The following LRP1B variants were observed in gnomAD, a reference collection of about 807,000 sequenced individuals.
The protein encoded by LRP1B is low-density lipoprotein receptor-related protein 1B.
LRP1B carries 217 observed loss-of-function variants against 556.6 expected under a neutral mutation model. The observed-to-expected ratio is 0.39, with a 90% confidence interval of 0.35 to 0.44. LRP1B has a LOEUF of 0.44. Ranked by LOEUF, LRP1B falls within the 20% of genes least tolerant of loss-of-function variation. LRP1B has a pLI of 1.00. For synonymous variants in LRP1B, 2,047 were observed against 1,865.8 expected, an observed-to-expected ratio of 1.10 and a Z score of -2.50; for missense variants, 5,053 against 5,620.8, an observed-to-expected ratio of 0.90 and a Z score of 3.23.
rs1196978919 is a variant in LRP1B, at chr2:140,779,783, T to C, written c.5360-3545A>G. Among the ~76,000 whole-genome samples, 3 of 149,620 alleles carry C rather than the reference T, an allele frequency of 2.0e-5. No individual in the cohort carries two copies. In the East Asian group the frequency reaches 5.9e-4, roughly 29 times the overall value. ...GTGTGTGTGTGTGTGTGTGTGTGTG[T>C]GTAGCAGTGCAGAGGGGAGATATAT... On this transcript the variant is annotated intron_variant, in intron 32 of 90. Coordinates refer to ENST00000389484, the MANE Select transcript of LRP1B (RefSeq NM_018557.3).
chr2:140,768,883 G>A (rs1383406184), intron 35 of LRP1B, among the ~76,000 whole-genome samples: 1 of 151,698 alleles, frequency 6.6e-6, no homozygotes. Context: ...AGATCAAAAT[G>A]CTTTGTATGT....
In LRP1B at chr2:140,613,770, C is replaced by T. The variant is rs2105232147; in HGVS notation, c.6800-12131G>A. Among the ~76,000 whole-genome samples the T allele has an allele frequency of 2.0e-5, 3 of 152,110 alleles. No homozygotes were observed. In the South Asian group the frequency reaches 6.2e-4, roughly 32 times the overall value. On this transcript the variant is annotated intron_variant, in intron 41 of 90. Coordinates refer to ENST00000389484, the MANE Select transcript of LRP1B (RefSeq NM_018557.3). ...CTAGTCCCCTTTAATGTGCCTGCCC[C>T]AGAAAAGTCAAGAATGATAAAGTAA...
intron 1 of LRP1B, among the ~76,000 whole-genome samples, chr2:141,935,065 AT>A (rs67962562): frequency 8.0e-6 from 1 of 124,264 alleles, no homozygotes; most frequent in Non-Finnish European, 1.8e-5. Context: ...TCTATAAAAA[AT>A]GACAGTAAGA....
chr2:141,339,848 G>A (rs1687990438), intron 3 of LRP1B, among the ~76,000 whole-genome samples: 1 of 151,994 alleles, frequency 6.6e-6, no homozygotes, highest in South Asian at 2.1e-4. Context: ...ATTGTGTGGT[G>A]GTAAAGGCTG....
intron 2 of LRP1B, among the ~76,000 whole-genome samples, chr2:141,557,959 T>C (rs1035573418): frequency 3.3e-5 from 5 of 151,846 alleles, no homozygotes; most frequent in Admixed American, 6.6e-5. Context: ...TTGGCCAGAA[T>C]ACACTTGCTC....
chr2:140,702,126 G>A lies in LRP1B; in HGVS notation c.6302+15C>T, dbSNP rs1051165827. The A allele has an allele frequency of 5.0e-6, 8 of 1,610,432 alleles. No homozygotes were observed. Among genetic ancestry groups the A allele is most frequent in the Non-Finnish European group, 6.8e-6 (8 of 1,178,360 alleles). On this transcript the variant is annotated intron_variant, in intron 39 of 90. Transcript: ENST00000389484. ...AACATTTTGAGACTCAAATACTTATGAAAAAATAAATTACCTGTCAGACCA... is the reference window on the plus strand; with the variant it reads ...AACATTTTGAGACTCAAATACTTATAAAAAAATAAATTACCTGTCAGACCA...
chr2:140,394,074 A>C (rs1368627246), intron 66 of LRP1B, among the ~76,000 whole-genome samples: 1 of 152,008 alleles, frequency 6.6e-6, no homozygotes, highest in African/African-American at 2.4e-5. Flanking sequence ...ATGTGAGGAG[A>C]ACATATTCTC....
chr2:141,319,255 A>G (rs1687141377), intron 3 of LRP1B, among the ~76,000 whole-genome samples: 1 of 149,880 alleles, frequency 6.7e-6, no homozygotes, highest in Admixed American at 6.6e-5. Flanking sequence ...TTTGACCATT[A>G]ATATTGCTAT....
chr2:141,584,091 C>G (rs1376206005), intron 2 of LRP1B, among the ~76,000 whole-genome samples: 1 of 151,688 alleles, frequency 6.6e-6, no homozygotes, highest in Admixed American at 6.6e-5. Context: ...AATTTCCCCC[C>G]AACGTTAGCC....
chr2:140,996,031 A>T (rs1159921927), intron 15 of LRP1B, among the ~76,000 whole-genome samples: 1 of 152,030 alleles, frequency 6.6e-6, no homozygotes, highest in Non-Finnish European at 1.5e-5. Context: ...CTGCTGTGGC[A>T]TGAGGGATAA....
chr2:140,455,289 A>T (rs1222820480), intron 62 of LRP1B, among the ~76,000 whole-genome samples: 1 of 152,178 alleles, frequency 6.6e-6, no homozygotes, highest in African/African-American at 2.4e-5. Context: ...TGTGCTTTCA[A>T]AGAGCGGTCA....
chr2:140,355,333 G>C (rs1682160485), intron 75 of LRP1B, among the ~76,000 whole-genome samples: 1 of 151,742 alleles, frequency 6.6e-6, no homozygotes, highest in Non-Finnish European at 1.5e-5. Flanking sequence ...AAATACCATA[G>C]TTTGAAAGAT....
At chr2:141,587,727 A>G (rs977374033) in intron 2 of LRP1B, among the ~76,000 whole-genome samples, 7 of 152,222 alleles carry the variant, frequency 4.6e-5, no homozygotes, top group Admixed American at 2.0e-4. Flanking sequence ...TTAATGGTAC[A>G]TAATTACTTC....
intron 37 of LRP1B, among the ~76,000 whole-genome samples, chr2:140,705,521 C>CAAAAAAAAAAAAAAAAA (rs565447198): frequency 2.9e-5 from 2 of 68,228 alleles, no homozygotes; most frequent in Non-Finnish European, 2.5e-5. Context: ...GAGACTGTCT[C>CAAAAAAAAAAAAAAAAA]AAAAAAAAAA....
intron 18 of LRP1B, among the ~76,000 whole-genome samples, chr2:140,955,425 A>T (rs191130791): frequency 1.7e-3 from 262 of 151,994 alleles, no homozygotes; most frequent in African/African-American, 6.1e-3. Context: ...TTGCATAAAA[A>T]TTCTTTGACT....
intron 6 of LRP1B, among the ~76,000 whole-genome samples, chr2:141,211,349 C>T (rs369243121): frequency 4.0e-5 from 6 of 150,204 alleles, no homozygotes; most frequent in Non-Finnish European, 8.9e-5. Context: ...GGGCCGGGCA[C>T]GGTGCCTCAT....
chr2:141,052,635 G>C (rs1360531806), intron 10 of LRP1B, among the ~76,000 whole-genome samples: 1 of 151,978 alleles, frequency 6.6e-6, no homozygotes, highest in East Asian at 1.9e-4. Flanking sequence ...TACGAACTGT[G>C]ACATCGATTT....
At chr2:140,647,302 C>A (rs1684519036) in intron 41 of LRP1B, among the ~76,000 whole-genome samples, 1 of 152,134 alleles carries the variant, frequency 6.6e-6, no homozygotes, top group African/African-American at 2.4e-5. Context: ...GTCTTTCCAA[C>A]CCTTTATGCT....
intron 11 of LRP1B, among the ~76,000 whole-genome samples, chr2:141,022,958 C>T (rs1698107440): frequency 6.6e-6 from 1 of 151,616 alleles, no homozygotes; most frequent in South Asian, 2.1e-4. Flanking sequence ...CACAAAATAC[C>T]CATTTTCATG....
Sources: allele counts gnomAD v4.1 joint callset (sites outside exome capture counted in the v4.1 genomes callset), GRCh38; gene constraint gnomAD v4.1.1; transcripts MANE v1.5; gene names NCBI Gene and HGNC (gene_info 2026-07-23, HGNC 2026-07-21).